Variants in SALL3 observed in about 807,000 individuals in gnomAD.
The protein encoded by SALL3 is sal-like protein 3.
SALL3 carries 25 observed loss-of-function variants against 66.2 expected under a neutral mutation model. The ratio of observed to expected loss-of-function variants is 0.38; its 90% CI spans 0.28 to 0.53. The LOEUF (loss-of-function observed/expected upper bound fraction) is 0.53, where lower values mean the gene tolerates loss of function less well. SALL3 is among the 20% of genes least tolerant of loss of function. SALL3 has a pLI of 0.85. For missense variants in SALL3, 2,194 were observed against 1,916.5 expected, an observed-to-expected ratio of 1.14 and a Z score of -2.70; for synonymous variants, 1,152 against 899.1, an observed-to-expected ratio of 1.28 and a Z score of -5.03.
In SALL3 at chr18:78,994,581, T is replaced by C. The variant is rs1209970820; in HGVS notation, c.2590T>C (p.Ser864Pro). 6.2e-7 allele frequency: 1 copy of C among 1,610,526 alleles called. No individual in the cohort carries two copies. The highest frequency in any genetic ancestry group is 1.7e-5 in the Admixed American group (1 of 59,856). The change falls in exon 2 of 3, where the codon TCC becomes CCC. Residue 864 changes from serine (S) to proline (P), a missense_variant. Coordinates refer to ENST00000537592, the MANE Select transcript of SALL3 (RefSeq NM_171999.4). ...MSCQQLTGLK[S>P]VENGSGESDR... ...CTGCCAGCAGCTGACCGGCCTCAAG[T>C]CCGTGGAGAACGGGTCCGGGGAGAG...
At chr18:78,986,372 A>G (rs756779722) in intron 1 of SALL3, among the ~76,000 whole-genome samples, 1 of 152,198 alleles carries the variant, frequency 6.6e-6, no homozygotes, top group Non-Finnish European at 1.5e-5. Flanking sequence ...TCCACTGTTC[A>G]GCGCTGTGCG....
chr18:78,995,338 A>G lies in SALL3; in HGVS notation c.3347A>G (p.Gln1116Arg), dbSNP rs1248632269. The change falls in exon 2 of 3, where the codon CAG becomes CGG. Residue 1116 changes from glutamine (Q) to arginine (R), a missense_variant. Gln to Arg is a conservative substitution (Grantham distance 43, BLOSUM62 1). Transcript: ENST00000537592. Reference sequence around the variant, plus strand: ...CGGACGCCCAAGCAGCACAACTGCCAGTCGTGCGGGAAGACCTTCTCCTCG... The same window carrying G: ...CGGACGCCCAAGCAGCACAACTGCCGGTCGTGCGGGAAGACCTTCTCCTCG... ...PRRTPKQHNC[Q>R]SCGKTFSSAS... The G allele has an allele frequency of 1.3e-6, 2 of 1,571,740 alleles. No individual in the cohort carries two copies. Among genetic ancestry groups the G allele is most frequent in the South Asian group, 1.1e-5 (1 of 87,742 alleles).
chr18:78,981,319 C>T (rs918099123), intron 1 of SALL3, among the ~76,000 whole-genome samples: 33 of 152,264 alleles, frequency 2.2e-4, no homozygotes, highest in African/African-American at 6.7e-4. Flanking sequence ...GAAAGAGGGC[C>T]GAGGAGGGGC....
Position 78,993,323 on chromosome 18 carries a change from C to G in SALL3, c.1332C>G (p.Gly444=). The G allele has an allele frequency of 6.2e-7, 1 of 1,612,296 alleles. No individual in the cohort carries two copies. Among genetic ancestry groups the G allele is most frequent in the East Asian group, 2.2e-5 (1 of 44,838 alleles). The change falls in exon 2 of 3, where the codon GGC becomes GGG. Residue 444 remains glycine, a synonymous_variant. Transcript: ENST00000537592. The stretch of plus-strand genomic sequence containing the variant: ...AGATCCACCTGCGCTCGCACACAGG[C>G]GAGCGGCCCTTCAAGTGCAACATCT... ...ALQIHLRSHT[G]ERPFKCNICG...
At position 78,992,913 on chromosome 18, in the gene SALL3, C is replaced by T. The variant is rs1914508788; in HGVS notation, c.922C>T (p.Pro308Ser). 1.0e-6 allele frequency: 1 copy of T among 987,858 alleles called. No homozygotes were observed. The highest frequency in any genetic ancestry group is 1.2e-6 in the Non-Finnish European group (1 of 833,266). 61.2% of individuals were successfully genotyped at this position (987,858 alleles called of 1,614,324 possible). Residue 308 changes from proline (P) to serine (S), a missense_variant, in exon 2 of 3, where the codon CCC becomes TCC. Pro to Ser is a moderately conservative substitution (Grantham distance 74). Coordinates refer to ENST00000537592, the MANE Select transcript of SALL3 (RefSeq NM_171999.4). Reference protein sequence around the residue: ...GASTPGGPAEPSAPAAPSAAP... With the variant: ...GASTPGGPAESSAPAAPSAAP... ...CAGCACCCCCGGCGGCCCTGCGGAG[C>T]CCAGCGCGCCCGCCGCCCCCAGCGC... is the stretch of plus-strand genomic sequence containing the variant.
Position 78,992,347 on chromosome 18 carries a change from G to T in SALL3, c.356G>T (p.Gly119Val). Residue 119 changes from glycine to valine, a missense_variant, in exon 2 of 3, where the codon GGC (glycine) becomes GTC (valine). Coordinates refer to ENST00000537592, the MANE Select transcript of SALL3 (RefSeq NM_171999.4). ...GCGGCCGAGGAGGCGGGTGCGGAGG[G>T]CGCGGAGGGCGAGGCCAGGCCGGTG... ...SEAAEEAGAE[G>V]AEGEARPVEK... The T allele has an allele frequency of 7.3e-7, 1 of 1,375,270 alleles. No individual in the cohort carries two copies. The highest frequency in any genetic ancestry group is 9.3e-7 in the Non-Finnish European group (1 of 1,072,592). 85.2% of individuals were successfully genotyped at this position (1,375,270 alleles called of 1,614,324 possible).
At chr18:78,991,870 T>G in intron 1 of SALL3, 1 of 442,746 alleles carries the variant, frequency 2.3e-6, no homozygotes, top group Non-Finnish European at 3.9e-6. Context: ...GATCCACAAT[T>G]GATAGGGCCT....
At chr18:78,985,978 A>G (rs1015759107) in intron 1 of SALL3, among the ~76,000 whole-genome samples, 3 of 152,212 alleles carry the variant, frequency 2.0e-5, no homozygotes, top group Non-Finnish European at 4.4e-5. Context: ...GACATATTTC[A>G]GGTCTGCGTA....
At position 78,994,334 on chromosome 18, in the gene SALL3, C is replaced by T. The variant is rs1009249441; in HGVS notation, c.2343C>T (p.Ser781=). ...LPEGFQDAMD[S]ELAYDDKNAE... ...AGGGCTTCCAGGATGCCATGGACTC[C>T]GAGCTGGCCTACGACGACAAGAACG... Residue 781 remains serine (S), a synonymous_variant, in exon 2 of 3, where the codon TCC becomes TCT. Coordinates refer to ENST00000537592, the MANE Select transcript of SALL3 (RefSeq NM_171999.4). 3.7e-6 allele frequency: 6 copies of T among 1,613,632 alleles called. No individual in the cohort carries two copies. Among genetic ancestry groups the T allele is most frequent in the Non-Finnish European group, 5.1e-6 (6 of 1,180,014 alleles).
chr18:78,982,299 G>A (rs1914098195), intron 1 of SALL3, among the ~76,000 whole-genome samples: 1 of 152,070 alleles, frequency 6.6e-6, no homozygotes, highest in Non-Finnish European at 1.5e-5. Flanking sequence ...AAATATTCAG[G>A]TTTTTTACCC....
rs757091980 is a variant in SALL3 at position 78,994,949 on chromosome 18, TGCTTGCAAGAGC to T, written c.2961_2972del (p.Cys988_Ala991del). 6.2e-7 allele frequency: 1 copy of T among 1,613,752 alleles called. No individual in the cohort carries two copies. Among genetic ancestry groups the T allele is most frequent in the Non-Finnish European group, 8.5e-7 (1 of 1,179,992 alleles). ...TGTGTGGTGTCTGTGGCAAGCCTTT[TGCTTGCAAGAGC>T]GCGTTGGAAATCCACTACCGCAGCC... On this transcript the variant is annotated inframe_deletion, in exon 2 of 3. Transcript: ENST00000537592.
Position 78,979,861 on chromosome 18 carries a change from C to T in SALL3, c.-414C>T, listed in dbSNP as rs1384705049. Among the ~76,000 whole-genome samples the T allele has an allele frequency of 6.9e-6, 1 of 144,716 alleles. No homozygotes were observed. Among genetic ancestry groups the T allele is most frequent in the African/African-American group, 2.5e-5 (1 of 40,434 alleles). The allele number at this position is 144,716 out of a possible 152,430, so 94.9% of individuals were successfully genotyped here. A position where few individuals can be genotyped will look rare whatever the true frequency, so the allele number is the denominator to read the frequency against. On this transcript the variant is annotated 5_prime_UTR_variant, in exon 1 of 3. Transcript: ENST00000537592. ...ACGCCGCCAAAGTTTGCTGCCTGCG[C>T]CCTGCGGAGGGACGGCCACCGCGGC...
chr18:78,988,141 C>A (rs1228772810), intron 1 of SALL3, among the ~76,000 whole-genome samples: 1 of 152,144 alleles, frequency 6.6e-6, no homozygotes, highest in Non-Finnish European at 1.5e-5. Flanking sequence ...AACATGCATA[C>A]AGGCCAGTTC....
intron 1 of SALL3, among the ~76,000 whole-genome samples, chr18:78,986,333 G>A (rs1914245138): frequency 6.6e-6 from 1 of 152,248 alleles, no homozygotes; most frequent in Non-Finnish European, 1.5e-5. Context: ...TGTGTGGTCA[G>A]AGCCGCGTTG....
rs1014659486 is a variant in SALL3, at chr18:78,998,100, G to A, written c.*778G>A. On this transcript the variant is annotated 3_prime_UTR_variant, in exon 3 of 3. Coordinates refer to ENST00000537592, the MANE Select transcript of SALL3 (RefSeq NM_171999.4). ...AGTGTGGTCTGTAGCCCAATAACTG[G>A]GGAACGAGTTACAGACAAACATCAC... The A allele has an allele frequency of 2.0e-5, 3 of 151,816 alleles. No homozygotes were observed. The highest frequency in any genetic ancestry group is 7.3e-5 in the African/African-American group (3 of 41,102). 9.4% of individuals were successfully genotyped at this position (151,816 alleles called of 1,614,324 possible).
Position 78,994,956 on chromosome 18 carries a change from A to C in SALL3, c.2965A>C (p.Lys989Gln), listed in dbSNP as rs1368500630. Residue 989 changes from lysine (K) to glutamine (Q), a missense_variant, in exon 2 of 3, where the codon AAG becomes CAG. By Grantham distance (53) the Lys-to-Gln change is moderately conservative (BLOSUM62 1). Transcript: ENST00000537592. ...CGVCGKPFACKSALEIHYRSH... is the reference protein window; with the variant it reads ...CGVCGKPFACQSALEIHYRSH... Reference sequence around the variant, plus strand: ...TGTCTGTGGCAAGCCTTTTGCTTGCAAGAGCGCGTTGGAAATCCACTACCG... The same window carrying C: ...TGTCTGTGGCAAGCCTTTTGCTTGCCAGAGCGCGTTGGAAATCCACTACCG... 1 of 1,613,748 alleles carries C rather than the reference A, an allele frequency of 6.2e-7. No homozygotes were observed. The highest frequency in any genetic ancestry group is 8.5e-7 in the Non-Finnish European group (1 of 1,179,992).
chr18:78,988,967 A>C (rs1434303048), intron 1 of SALL3, among the ~76,000 whole-genome samples: 1 of 152,226 alleles, frequency 6.6e-6, no homozygotes, highest in African/African-American at 2.4e-5. Flanking sequence ...TGGGCTCATT[A>C]ACAAAATGAA....
chr18:78,991,135 A>C (rs1197479031), intron 1 of SALL3, among the ~76,000 whole-genome samples: 2 of 152,222 alleles, frequency 1.3e-5, no homozygotes, highest in African/African-American at 2.4e-5. Context: ...GTCTGACTAC[A>C]ACATTCTCAT....
rs1452759860 is a variant in SALL3 at position 78,998,870 on chromosome 18, G to T, written c.*1548G>T. 3 of 152,278 alleles carry T rather than the reference G, an allele frequency of 2.0e-5. No individual in the cohort carries two copies. The highest frequency in any genetic ancestry group is 4.4e-5 in the Non-Finnish European group (3 of 68,078). The allele number at this position is 152,278 out of a possible 1,614,324, so 9.4% of individuals were successfully genotyped here. A position where few individuals can be genotyped will look rare whatever the true frequency, so the allele number is the denominator to read the frequency against. ...AGCCAGGAGGGCCCCGGAGGCTGGGGCGGCCGAGGCAGCACAAACACGGCG... is the reference window on the plus strand; with the variant it reads ...AGCCAGGAGGGCCCCGGAGGCTGGGTCGGCCGAGGCAGCACAAACACGGCG... On this transcript the variant is annotated 3_prime_UTR_variant, in exon 3 of 3. Transcript: ENST00000537592.
Sources: allele counts gnomAD v4.1 joint callset (sites outside exome capture counted in the v4.1 genomes callset), GRCh38; gene constraint gnomAD v4.1.1; transcripts MANE v1.5; gene names NCBI Gene and HGNC (gene_info 2026-07-23, HGNC 2026-07-21).